CFAP20DC: variants seen among roughly 807,000 people sequenced by gnomAD.
CFAP20DC encodes CFAP20 domain containing.
Under a neutral mutation model 101.7 loss-of-function variants are expected in CFAP20DC, and 84 were observed. The observed-to-expected ratio is 0.83, with a 90% CI of 0.69 to 0.99. The LOEUF (loss-of-function observed/expected upper bound fraction) is 0.99, where lower values mean the gene tolerates loss of function less well. CFAP20DC is among the 50% of genes least tolerant of loss of function. CFAP20DC has a pLI of 0.00. For synonymous variants in CFAP20DC, 359 were observed against 351.2 expected, an observed-to-expected ratio of 1.02 and a Z score of -0.25; for missense variants, 1,007 against 970.3, an observed-to-expected ratio of 1.04 and a Z score of -0.50.
chr3:58,856,542 C>T (rs1160234281), intron 12 of CFAP20DC, among the ~76,000 whole-genome samples: 2 of 152,190 alleles, frequency 1.3e-5, no homozygotes, highest in Non-Finnish European at 2.9e-5. Context: ...TCCTTCCCCA[C>T]CAGTCTGGGC....
intron 10 of CFAP20DC, 70 bp from the exon 11 acceptor site, chr3:58,866,758 G>A: frequency 9.8e-7 from 1 of 1,015,296 alleles, no homozygotes; most frequent in South Asian, 1.6e-5. Flanking sequence ...TTAGAAGAAT[G>A]GTTTACTTTG....
rs993601479 is a variant in CFAP20DC, at chr3:59,013,367, C to G, written c.278+26190G>C. 3.9e-5 allele frequency among the ~76,000 whole-genome samples: 6 copies of G among 152,172 alleles called. No homozygotes were observed. The East Asian group carries it at 1.2e-3, about 29-fold the overall frequency. On this transcript the variant is annotated intron_variant, in intron 4 of 16. Coordinates refer to ENST00000482387, the MANE Select transcript of CFAP20DC (RefSeq NM_001394063.1). ...ACTAAGAGACACATGCTACTGAACA[C>G]TCTTCTCTCTGGTAAGCAGTTCACT...
At chr3:58,875,806 A>G (rs2080700304) in intron 7 of CFAP20DC, among the ~76,000 whole-genome samples, 1 of 91,390 alleles carries the variant, frequency 1.1e-5, no homozygotes, top group Non-Finnish European at 2.0e-5. Context: ...TATTTTAGAA[A>G]TCATACACAG....
chr3:59,049,195 T>C (rs1337593807), intron 1 of CFAP20DC, among the ~76,000 whole-genome samples: 4 of 152,222 alleles, frequency 2.6e-5, no homozygotes. Flanking sequence ...GATGTAACAA[T>C]GCATGCATTC....
rs2067476193 is a variant in CFAP20DC, at chr3:58,721,733, T to C, written c.198-4105A>G. On this transcript the variant is annotated intron_variant, in intron 3 of 3. Coordinates refer to the CFAP20DC transcript ENST00000486145. The surrounding 1 kb of genome is among the most constrained non-coding windows in gnomAD (Gnocchi z 5.2). ...CACAGCATCTAATTTGTGGATTGAA[T>C]GGGAAGGGATTTTCCCAGAGATTTC... is the stretch of plus-strand genomic sequence containing the variant. 6.6e-6 allele frequency among the ~76,000 whole-genome samples: 1 copy of C among 152,222 alleles called. No individual in the cohort carries two copies. Among genetic ancestry groups the C allele is most frequent in the South Asian group, 2.1e-4 (1 of 4,836 alleles).
At position 58,788,345 on chromosome 3, in the gene CFAP20DC, G is replaced by C. The variant is rs1047195581; in HGVS notation, c.2237+18050C>G. On this transcript the variant is annotated intron_variant, in intron 15 of 16. Coordinates refer to ENST00000482387, the MANE Select transcript of CFAP20DC (RefSeq NM_001394063.1). The surrounding 1 kb of genome is among the most constrained non-coding windows in gnomAD (Gnocchi z 4.2). Reference sequence around the variant, plus strand: ...CAAATTAAATTCACATTTAAACCACGGTTACCGGGGAAATCCTATTGGTGA... The same window carrying C: ...CAAATTAAATTCACATTTAAACCACCGTTACCGGGGAAATCCTATTGGTGA... 2.6e-5 allele frequency among the ~76,000 whole-genome samples: 4 copies of C among 151,998 alleles called. No individual in the cohort carries two copies. The highest frequency in any genetic ancestry group is 9.7e-5 in the African/African-American group (4 of 41,390).
intron 16 of CFAP20DC, among the ~76,000 whole-genome samples, chr3:58,746,921 C>T (rs527378638): frequency 5.1e-4 from 77 of 152,158 alleles, no homozygotes; most frequent in Middle Eastern, 3.4e-3. Flanking sequence ...AATATCATTA[C>T]GCAATTACCA....
chr3:58,763,622 TAG>T (rs1474839285), intron 15 of CFAP20DC, among the ~76,000 whole-genome samples: 1 of 152,244 alleles, frequency 6.6e-6, no homozygotes, highest in Non-Finnish European at 1.5e-5. Context: ...CTCTGATTTT[TAG>T]AGTTTCCAGT....
At chr3:58,830,197 G>C (rs2076303462) in intron 14 of CFAP20DC, among the ~76,000 whole-genome samples, 2 of 152,124 alleles carry the variant, frequency 1.3e-5, no homozygotes, top group African/African-American at 4.8e-5. Context: ...TAGGGATAAA[G>C]AGCACTAATC....
At chr3:59,018,933 C>G (rs971665757) in intron 4 of CFAP20DC, 2 of 147,482 alleles carry the variant, frequency 1.4e-5, no homozygotes, top group Non-Finnish European at 3.0e-5. Context: ...AATGTGTATA[C>G]ACACACACAC....
At chr3:58,922,219 G>A (rs1451310825) in intron 5 of CFAP20DC, among the ~76,000 whole-genome samples, 1 of 152,112 alleles carries the variant, frequency 6.6e-6, no homozygotes, top group Non-Finnish European at 1.5e-5. Flanking sequence ...CGTTTGAGTT[G>A]AAGGCTACCA....
At chr3:58,870,460 C>A (rs1576040254) in intron 7 of CFAP20DC, 151 bp from the exon 8 acceptor site, 1 of 675,188 alleles carries the variant, frequency 1.5e-6, no homozygotes, top group East Asian at 2.7e-5. Flanking sequence ...ATACTAGGGC[C>A]CAACATCAGA....
chr3:59,043,612 C>A (rs1699603654), intron 3 of CFAP20DC, among the ~76,000 whole-genome samples: 1 of 151,966 alleles, frequency 6.6e-6, no homozygotes, highest in Admixed American at 6.6e-5. Context: ...TGCTACTCCC[C>A]CGAGACACAT....
intron 12 of CFAP20DC, among the ~76,000 whole-genome samples, chr3:58,857,223 G>A (rs1488663661): frequency 6.6e-6 from 1 of 152,190 alleles, no homozygotes; most frequent in Non-Finnish European, 1.5e-5. Context: ...GGAATTTAGA[G>A]GGCTGCATGG....
At chr3:59,012,597 T>C (rs907348168) in intron 4 of CFAP20DC, among the ~76,000 whole-genome samples, 1 of 152,214 alleles carries the variant, frequency 6.6e-6, no homozygotes, top group Non-Finnish European at 1.5e-5. Flanking sequence ...GTAAAGCTCA[T>C]GGAAGGCTTT....
intron 15 of CFAP20DC, among the ~76,000 whole-genome samples, chr3:58,802,087 T>A (rs2073752616): frequency 6.6e-6 from 1 of 152,186 alleles, no homozygotes; most frequent in South Asian, 2.1e-4. Flanking sequence ...GAAAGACTGG[T>A]TATTGACTCC....
chr3:59,005,117 G>T (rs1312969808), intron 4 of CFAP20DC, among the ~76,000 whole-genome samples: 1 of 152,162 alleles, frequency 6.6e-6, no homozygotes, highest in Non-Finnish European at 1.5e-5. Context: ...AGAAGGGATG[G>T]TATGCTAATT....
At chr3:58,921,952 T>C (rs908982693) in intron 5 of CFAP20DC, among the ~76,000 whole-genome samples, 5 of 152,256 alleles carry the variant, frequency 3.3e-5, no homozygotes, top group African/African-American at 4.8e-5. Context: ...GTGAAACATC[T>C]CTCATTACAT....
chr3:58,751,173 G>A lies in CFAP20DC; in HGVS notation c.2332+2596C>T, dbSNP rs374251189. ...TTTGCACAGGGCACCAAGGATCCAG[G>A]AGTGAGCAAACTGACAGTCTCCTAA... On this transcript the variant is annotated intron_variant, in intron 16 of 16. Coordinates refer to ENST00000482387, the MANE Select transcript of CFAP20DC (RefSeq NM_001394063.1). 8.5e-5 allele frequency among the ~76,000 whole-genome samples: 13 copies of A among 152,234 alleles called. No individual in the cohort carries two copies. In the East Asian group the frequency reaches 1.5e-3, roughly 18 times the overall value.
Sources: gnomAD v4.1 joint callset for allele counts (sites outside exome capture counted in the v4.1 genomes callset) on GRCh38, gnomAD v4.1.1 for gene constraint, Gnocchi (gnomAD v3.1) non-coding constraint, MANE v1.5 for transcripts, NCBI Gene and HGNC (gene_info 2026-07-23, HGNC 2026-07-21) for gene names.